JMJD1C: variants seen among roughly 807,000 people sequenced by gnomAD.
JMJD1C encodes jumonji domain-containing protein 1C.
Under a neutral mutation model 245.3 loss-of-function variants are expected in JMJD1C, and 31 were observed. That is an observed-to-expected ratio of 0.13 (90% CI 0.09 to 0.17). The LOEUF (loss-of-function observed/expected upper bound fraction) is 0.17, where lower values mean the gene tolerates loss of function less well. Ranked by LOEUF, JMJD1C falls within the 10% of genes least tolerant of loss-of-function variation. The pLI is 1.00. For synonymous variants in JMJD1C, 1,057 were observed against 1,017.4 expected, an observed-to-expected ratio of 1.04 and a Z score of -0.74; for missense variants, 2,691 against 3,000.2, an observed-to-expected ratio of 0.90 and a Z score of 2.41.
chr10:63,422,646 T>C (rs1950189650), intron 1 of JMJD1C, among the ~76,000 whole-genome samples: 1 of 152,188 alleles, frequency 6.6e-6, no homozygotes, highest in Admixed American at 6.5e-5. Context: ...ACTTCCAAAC[T>C]ATATGCTACT....
intron 1 of JMJD1C, among the ~76,000 whole-genome samples, chr10:63,494,782 AT>A (rs1479743747): frequency 2.0e-5 from 3 of 152,228 alleles, no homozygotes; most frequent in Admixed American, 6.5e-5. Context: ...GCTGACAAAT[AT>A]CATAAATTTA....
intron 3 of JMJD1C, among the ~76,000 whole-genome samples, chr10:63,230,873 C>A (rs984624942): frequency 2.6e-5 from 4 of 151,816 alleles, no homozygotes; most frequent in Admixed American, 1.3e-4. Context: ...TTCTACCACA[C>A]AAGGTTAATG....
intron 2 of JMJD1C, among the ~76,000 whole-genome samples, chr10:63,374,475 C>T (rs1946561234): frequency 6.6e-6 from 1 of 152,092 alleles, no homozygotes; most frequent in African/African-American, 2.4e-5. Context: ...TAAAAACACC[C>T]CAACACTGAC....
At chr10:63,458,242 T>C (rs547706661) in intron 1 of JMJD1C, among the ~76,000 whole-genome samples, 2 of 152,168 alleles carry the variant, frequency 1.3e-5, no homozygotes, top group Non-Finnish European at 2.9e-5. Flanking sequence ...CCCAACACTT[T>C]GGGAGTCTGA....
At position 63,194,368 on chromosome 10, in the gene JMJD1C, T is replaced by G; in HGVS notation, c.5652A>C (p.Glu1884Asp). ...AKERKSSRDK[E>D]LYAWMKCVKG... ...TCACACACTTCATCCAAGCATATAG[T>G]TCTTTATCTGTAAGATAATAAAACT... Residue 1884 changes from glutamate to aspartate, a missense_variant, in exon 14 of 26, where the codon GAA (glutamate) becomes GAC (aspartate). Physicochemically the swap from Glu to Asp is conservative, Grantham distance 45 (BLOSUM62 2). Around this residue, in one of 9 missense-constraint regions of JMJD1C, gnomAD observed 139 missense variants for 270.5 expected, o/e 0.51. Coordinates refer to ENST00000399262, the MANE Select transcript of JMJD1C (RefSeq NM_032776.3). 6.2e-7 allele frequency: 1 copy of G among 1,606,164 alleles called. No homozygotes were observed. Among genetic ancestry groups the G allele is most frequent in the South Asian group, 1.1e-5 (1 of 90,918 alleles).
intron 3 of JMJD1C, among the ~76,000 whole-genome samples, chr10:63,232,786 T>G (rs1260859439): frequency 6.6e-6 from 1 of 152,228 alleles, no homozygotes; most frequent in African/African-American, 2.4e-5. Context: ...CAAAGTTCTA[T>G]GATGTTTCTA....
intron 2 of JMJD1C, among the ~76,000 whole-genome samples, chr10:63,351,703 C>CTT (rs1409976364): frequency 6.6e-6 from 1 of 152,148 alleles, no homozygotes; most frequent in Non-Finnish European, 1.5e-5. Context: ...GCTAACTACT[C>CTT]ATTGGGATAA....
intron 2 of JMJD1C, among the ~76,000 whole-genome samples, chr10:63,329,952 A>C (rs577189487): frequency 6.6e-6 from 1 of 152,260 alleles, no homozygotes; most frequent in South Asian, 2.1e-4. Flanking sequence ...CCCAGGCTGG[A>C]TGCAGTGGTA....
chr10:63,376,654 C>T (rs1946766069), intron 2 of JMJD1C, among the ~76,000 whole-genome samples: 1 of 151,966 alleles, frequency 6.6e-6, no homozygotes, highest in South Asian at 2.1e-4. Context: ...ATACAAATGG[C>T]CAAGAAGCAC....
chr10:63,512,965 T>C lies in JMJD1C; in HGVS notation n.113+8773A>G, dbSNP rs545177316. On this transcript the variant is annotated intron_variant and non_coding_transcript_variant, in intron 1 of 3. Transcript: ENST00000633035. ...CTCAGAGATTTTTAAAAGTCCAGTA[T>C]ACTAATGAGCCTATCAATGAAATTC... 2.6e-5 allele frequency among the ~76,000 whole-genome samples: 4 copies of C among 152,342 alleles called. No individual in the cohort carries two copies. In the East Asian group the frequency reaches 7.7e-4, roughly 29 times the overall value.
chr10:63,515,803 A>C (rs1253474408), intron 1 of JMJD1C, among the ~76,000 whole-genome samples: 2 of 152,238 alleles, frequency 1.3e-5, no homozygotes, highest in Non-Finnish European at 2.9e-5. Context: ...ACTTCTTAAT[A>C]GTTTTTAAGA....
intron 3 of JMJD1C, chr10:63,222,524 C>G (rs1848719487): frequency 1.5e-5 from 21 of 1,365,318 alleles, no homozygotes; most frequent in Non-Finnish European, 2.2e-5. Context: ...GCACTTTTGT[C>G]CCAAAGATAC....
chr10:63,361,744 AAAAG>A (rs1945364234), intron 2 of JMJD1C, among the ~76,000 whole-genome samples: 1 of 149,700 alleles, frequency 6.7e-6, no homozygotes, highest in African/African-American at 2.4e-5. Context: ...AAAAAAAAAA[AAAAG>A]AAAAAGAATA....
chr10:63,376,682 A>G (rs570903278), intron 2 of JMJD1C, among the ~76,000 whole-genome samples: 2 of 152,356 alleles, frequency 1.3e-5, no homozygotes, highest in Middle Eastern at 3.4e-3. Context: ...GATGCTCAAC[A>G]TCACATTAAG....
chr10:63,226,653 A>C (rs1849312255), intron 3 of JMJD1C, among the ~76,000 whole-genome samples: 1 of 147,622 alleles, frequency 6.8e-6, no homozygotes, highest in Admixed American at 6.9e-5. Context: ...AATTCAAGGC[A>C]GCAATAAGCT....
intron 1 of JMJD1C, among the ~76,000 whole-genome samples, chr10:63,463,097 A>T (rs188392675): frequency 1.3e-5 from 2 of 152,142 alleles, no homozygotes; most frequent in Admixed American, 1.3e-4. Context: ...AATTATACAT[A>T]TTTGTAGCTT....
At chr10:63,350,105 A>C (rs1200952158) in intron 2 of JMJD1C, among the ~76,000 whole-genome samples, 1 of 152,198 alleles carries the variant, frequency 6.6e-6, no homozygotes, top group Non-Finnish European at 1.5e-5. Flanking sequence ...TGATTTTCTC[A>C]CTTCTCTATC....
chr10:63,358,498 A>T (rs933499189), intron 2 of JMJD1C, among the ~76,000 whole-genome samples: 2 of 152,128 alleles, frequency 1.3e-5, no homozygotes, highest in African/African-American at 4.8e-5. Flanking sequence ...TGGGCAATAT[A>T]GCAAGATCCT....
At chr10:63,301,819 T>TA (rs1412843504) in intron 2 of JMJD1C, 1 of 414,118 alleles carries the variant, frequency 2.4e-6, no homozygotes, top group East Asian at 7.7e-5. Context: ...AAAGTAAAAT[T>TA]AAAAATAAAA....
Sources: allele counts gnomAD v4.1 joint callset (sites outside exome capture counted in the v4.1 genomes callset), GRCh38; gene constraint gnomAD v4.1.1; regional missense constraint gnomAD v4.1.1; transcripts MANE v1.5; gene names NCBI Gene and HGNC (gene_info 2026-07-23, HGNC 2026-07-21).